CEPT1: variants seen among roughly 807,000 people sequenced by gnomAD.
CEPT1 encodes the protein choline/ethanolamine phosphotransferase 1.
In CEPT1, 7 loss-of-function variants were observed where a neutral mutation model predicts 42.6. The ratio of observed to expected loss-of-function variants is 0.16; its 90% CI spans 0.09 to 0.31. CEPT1 has a LOEUF of 0.31. Among genes scored for constraint, CEPT1 ranks in the 10% least tolerant of loss-of-function variants. CEPT1 has a pLI of 1.00. For synonymous variants in CEPT1, 171 were observed against 171.9 expected, an observed-to-expected ratio of 0.99 and a Z score of 0.04; for missense variants, 306 against 502.1, an observed-to-expected ratio of 0.61 and a Z score of 3.73.
intron 2 of CEPT1, among the ~76,000 whole-genome samples, chr1:111,156,679 G>A (rs1032185983): frequency 5.3e-5 from 8 of 152,158 alleles, no homozygotes; most frequent in Non-Finnish European, 1.0e-4. Context: ...CAGCTTGGAC[G>A]AACTTAATTT....
intron 4 of CEPT1, among the ~76,000 whole-genome samples, chr1:111,168,158 G>GC (rs1656232097): frequency 6.6e-6 from 1 of 152,032 alleles, no homozygotes; most frequent in Admixed American, 6.6e-5. Flanking sequence ...ACAGGCATGA[G>GC]CCACTGCATT....
chr1:111,142,000 A>C (rs563674821), intron 1 of CEPT1, among the ~76,000 whole-genome samples: 1 of 152,104 alleles, frequency 6.6e-6, no homozygotes, highest in Non-Finnish European at 1.5e-5. Context: ...GGAATTTCAC[A>C]CAACAGGTTG....
chr1:111,180,852 A>G (rs1351679388), intron 5 of CEPT1: 2 of 152,246 alleles, frequency 1.3e-5, no homozygotes, highest in Admixed American at 1.3e-4. Flanking sequence ...TACAAAGTGT[A>G]AACAGCCCTA....
At chr1:111,165,229 T>G (rs1391221958) in intron 4 of CEPT1, among the ~76,000 whole-genome samples, 1 of 151,382 alleles carries the variant, frequency 6.6e-6, no homozygotes, top group Admixed American at 6.6e-5. Flanking sequence ...TTTGTATTTT[T>G]AGTAGAGACA....
intron 2 of CEPT1, 90 bp from the exon 3 acceptor site, chr1:111,159,290 C>A: frequency 3.2e-6 from 4 of 1,248,850 alleles, no homozygotes; most frequent in East Asian, 2.4e-5. Context: ...TAGCTTCCAA[C>A]TAGCTTTCCA....
At chr1:111,177,522 A>T (rs574992594) in intron 5 of CEPT1, among the ~76,000 whole-genome samples, 1 of 152,298 alleles carries the variant, frequency 6.6e-6, no homozygotes, top group South Asian at 2.1e-4. Flanking sequence ...AAAACATTGT[A>T]AATGAAGTTG....
intron 5 of CEPT1, among the ~76,000 whole-genome samples, chr1:111,177,753 C>G (rs1656757421): frequency 6.6e-6 from 1 of 152,120 alleles, no homozygotes; most frequent in Non-Finnish European, 1.5e-5. Flanking sequence ...GAGGAACTCT[C>G]AGATTCACAT....
intron 4 of CEPT1, among the ~76,000 whole-genome samples, chr1:111,166,153 A>G (rs1473316862): frequency 6.6e-6 from 1 of 152,134 alleles, no homozygotes; most frequent in African/African-American, 2.4e-5. Context: ...GTTTAATTTT[A>G]TCAGTTGCCA....
intron 4 of CEPT1, among the ~76,000 whole-genome samples, chr1:111,170,205 T>C (rs957510486): frequency 3.3e-5 from 5 of 152,184 alleles, no homozygotes; most frequent in African/African-American, 1.2e-4. Context: ...TCAAAGGTGA[T>C]AAAGATAGAC....
intron 2 of CEPT1, among the ~76,000 whole-genome samples, chr1:111,148,596 ATT>A (rs1306883859): frequency 1.3e-5 from 2 of 152,148 alleles, no homozygotes; most frequent in Non-Finnish European, 2.9e-5. Flanking sequence ...TGTATTTCCT[ATT>A]CTGTATCCTG....
chr1:111,144,863 A>G (rs1264953443), intron 1 of CEPT1, among the ~76,000 whole-genome samples: 3 of 152,234 alleles, frequency 2.0e-5, no homozygotes, highest in Non-Finnish European at 2.9e-5. Context: ...TTGGTCTCTC[A>G]TTTGATCTAA....
chr1:111,154,572 G>T (rs1313722460), intron 2 of CEPT1, among the ~76,000 whole-genome samples: 5 of 152,142 alleles, frequency 3.3e-5, no homozygotes, highest in Non-Finnish European at 7.4e-5. Context: ...CTAGTTCTTA[G>T]AGGAAAAGCT....
intron 2 of CEPT1, 64 bp from the exon 3 acceptor site, chr1:111,159,314 AAT>A (rs1171565258): frequency 1.1e-5 from 16 of 1,509,600 alleles, no homozygotes; most frequent in Non-Finnish European, 1.3e-5. Flanking sequence ...TGCAGGTAAA[AAT>A]ATGTTAGTCA....
At chr1:111,178,180 A>C (rs1193821629) in intron 5 of CEPT1, 1 of 152,198 alleles carries the variant, frequency 6.6e-6, no homozygotes, top group Non-Finnish European at 1.5e-5. Flanking sequence ...CAGGTATGAA[A>C]TTTACATCTC....
chr1:111,142,465 C>T (rs902021209), intron 1 of CEPT1, among the ~76,000 whole-genome samples: 2 of 151,976 alleles, frequency 1.3e-5, no homozygotes, highest in Admixed American at 6.5e-5. Context: ...AAATACTAGA[C>T]GAATAATATT....
At chr1:111,155,947 A>G (rs1238770890) in intron 2 of CEPT1, among the ~76,000 whole-genome samples, 1 of 151,370 alleles carries the variant, frequency 6.6e-6, no homozygotes, top group Non-Finnish European at 1.5e-5. Context: ...CTAATTTTGG[A>G]TTTGATTTGT....
chr1:111,151,365 A>T (rs929148853), intron 2 of CEPT1, among the ~76,000 whole-genome samples: 1 of 152,044 alleles, frequency 6.6e-6, no homozygotes. Flanking sequence ...CTTGTAATCC[A>T]CCCACCTTGG....
chr1:111,163,006 T>C (rs1228181452), intron 4 of CEPT1, among the ~76,000 whole-genome samples: 1 of 151,916 alleles, frequency 6.6e-6, no homozygotes, highest in African/African-American at 2.4e-5. Context: ...GAGAAGAGAT[T>C]GAAGATACTG....
intron 2 of CEPT1, among the ~76,000 whole-genome samples, chr1:111,156,791 A>C (rs543036891): frequency 6.6e-6 from 1 of 152,166 alleles, no homozygotes; most frequent in Non-Finnish European, 1.5e-5. Flanking sequence ...GCATGTATAT[A>C]TATATTTGTA....
Sources: gnomAD v4.1 joint callset for allele counts (sites outside exome capture counted in the v4.1 genomes callset) on GRCh38, gnomAD v4.1.1 for gene constraint, MANE v1.5 for transcripts, NCBI Gene and HGNC (gene_info 2026-07-23, HGNC 2026-07-21) for gene names.